RPTOR: variants seen among roughly 807,000 people sequenced by gnomAD.
RPTOR encodes regulatory-associated protein of mTOR.
RPTOR carries 21 observed loss-of-function variants against 169.9 expected under a neutral mutation model. The observed-to-expected ratio is 0.12, with a 90% CI of 0.09 to 0.18. The LOEUF (loss-of-function observed/expected upper bound fraction) is 0.18, where lower values mean the gene tolerates loss of function less well. Among genes scored for constraint, RPTOR ranks in the 10% least tolerant of loss-of-function variants. RPTOR has a pLI of 1.00. For missense variants in RPTOR, 1,133 were observed against 1,855.9 expected (o/e 0.61, Z 7.16); for synonymous variants, 732 against 753.2 (o/e 0.97, Z 0.46).
chr17:80,821,828 A>G (rs2067382424), intron 7 of RPTOR, among the ~76,000 whole-genome samples: 2 of 152,124 alleles, frequency 1.3e-5, no homozygotes, highest in African/African-American at 4.8e-5. Context: ...TCGGTGGCTG[A>G]GGTATAACCC....
At chr17:80,709,775 C>G (rs1392038643) in intron 4 of RPTOR, among the ~76,000 whole-genome samples, 1 of 152,024 alleles carries the variant, frequency 6.6e-6, no homozygotes, top group Non-Finnish European at 1.5e-5. Flanking sequence ...GATCGCGCAC[C>G]CTGTGTCCGC....
chr17:80,571,282 A>G (rs982134125), intron 1 of RPTOR, among the ~76,000 whole-genome samples: 1 of 152,224 alleles, frequency 6.6e-6, no homozygotes, highest in African/African-American at 2.4e-5. Context: ...ATTTTGTTTA[A>G]GAAGGTCCTT....
chr17:80,900,273 C>CT (rs1372704740), intron 20 of RPTOR, among the ~76,000 whole-genome samples: 5 of 152,034 alleles, frequency 3.3e-5, no homozygotes, highest in Non-Finnish European at 7.4e-5. Flanking sequence ...GCAGCTCTCT[C>CT]CCGGGTCTCC....
chr17:80,574,387 C>T (rs1439449281), intron 1 of RPTOR, among the ~76,000 whole-genome samples: 5 of 150,378 alleles, frequency 3.3e-5, no homozygotes, highest in South Asian at 4.2e-4. Context: ...AGGATGGTCT[C>T]GATCTCCTGA....
Position 80,965,484 on chromosome 17 carries a change from A to C in RPTOR, c.*1154A>C. The stretch of plus-strand genomic sequence containing the variant: ...CAGGAGGGGCCGCAGGGCGTGTATG[A>C]GCAGTTTTGCAAACAGAACACAACC... On this transcript the variant is annotated 3_prime_UTR_variant, in exon 34 of 34. Coordinates refer to ENST00000306801, the MANE Select transcript of RPTOR (RefSeq NM_020761.3). The C allele has an allele frequency of 8.6e-6, 2 of 233,392 alleles. No homozygotes were observed. Among genetic ancestry groups the C allele is most frequent in the Middle Eastern group, 2.5e-3 (2 of 786 alleles). The allele number at this position is 233,392 out of a possible 1,614,324, so 14.5% of individuals were successfully genotyped here.
At chr17:80,727,965 A>G (rs1006050987) in intron 4 of RPTOR, among the ~76,000 whole-genome samples, 2 of 152,182 alleles carry the variant, frequency 1.3e-5, no homozygotes, top group African/African-American at 4.8e-5. Context: ...CATTATTCAC[A>G]TTTTATCCTG....
At chr17:80,634,137 CTGTGTGCGTGTGCGTACTG>C (rs2065463833) in intron 2 of RPTOR, among the ~76,000 whole-genome samples, 1 of 127,004 alleles carries the variant, frequency 7.9e-6, no homozygotes, top group African/African-American at 3.1e-5. Context: ...TGTGTGCATA[CTGTGTGCGTGTGCGTACTG>C]TGTGTGTGTG....
intron 17 of RPTOR, among the ~76,000 whole-genome samples, chr17:80,887,331 T>G (rs1372290870): frequency 7.6e-4 from 64 of 84,388 alleles, no homozygotes; most frequent in African/African-American, 2.9e-3. Flanking sequence ...GTGCTGACTC[T>G]GGGGGGTGCC....
chr17:80,930,643 G>A (rs532865481), intron 24 of RPTOR, among the ~76,000 whole-genome samples: 10 of 152,370 alleles, frequency 6.6e-5, no homozygotes, highest in African/African-American at 2.4e-4. Context: ...AAAGCAAATG[G>A]ATAGGTCGAT....
chr17:80,672,800 C>CA (rs200738934), intron 3 of RPTOR, among the ~76,000 whole-genome samples: 2,397 of 152,088 alleles, frequency 0.016, 67 homozygotes, highest in African/African-American at 0.055. Context: ...AAAAAACAAA[C>CA]AAACAGACTT....
At chr17:80,918,299 C>G (rs2068698447) in intron 21 of RPTOR, among the ~76,000 whole-genome samples, 1 of 152,224 alleles carries the variant, frequency 6.6e-6, no homozygotes, top group Admixed American at 6.5e-5. Flanking sequence ...GACAGAGATG[C>G]CCTGTTCCCC....
At chr17:80,709,728 A>G (rs2066171191) in intron 4 of RPTOR, among the ~76,000 whole-genome samples, 1 of 151,446 alleles carries the variant, frequency 6.6e-6, no homozygotes, top group African/African-American at 2.4e-5. Flanking sequence ...TTAATGATAG[A>G]CTGTGGTGTG....
chr17:80,617,987 C>CTTTTTTTTTTTTTTTTTTTTTTTTTTTTT (rs1197342364), intron 1 of RPTOR, among the ~76,000 whole-genome samples: 7 of 146,448 alleles, frequency 4.8e-5, no homozygotes, highest in Admixed American at 1.4e-4. Flanking sequence ...ATAGTTACAA[C>CTTTTTTTTTTTTTTTTTTTTTTTTTTTTT]TTTTTTTTTT....
chr17:80,902,474 C>G (rs887477520), intron 20 of RPTOR, among the ~76,000 whole-genome samples: 1 of 152,216 alleles, frequency 6.6e-6, no homozygotes, highest in Non-Finnish European at 1.5e-5. Context: ...AGGTGCCTGA[C>G]CCAGTACATC....
intron 6 of RPTOR, among the ~76,000 whole-genome samples, chr17:80,778,844 A>G (rs1213824503): frequency 6.6e-6 from 1 of 152,178 alleles, no homozygotes; most frequent in Non-Finnish European, 1.5e-5. Context: ...GGACGGTAAA[A>G]TCACGAGACC....
At chr17:80,858,162 T>G in intron 13 of RPTOR, 1 of 494,094 alleles carries the variant, frequency 2.0e-6, no homozygotes, top group Non-Finnish European at 3.7e-6. Flanking sequence ...GTCCTGTCCC[T>G]GGCCTTCCCC....
intron 1 of RPTOR, among the ~76,000 whole-genome samples, chr17:80,549,774 C>A (rs1014413199): frequency 6.6e-6 from 1 of 152,166 alleles, no homozygotes. Flanking sequence ...CATGCTATGT[C>A]TACACACATG....
At chr17:80,922,872 G>T in intron 22 of RPTOR, 45 bp downstream of exon 22, 1 of 1,488,574 alleles carries the variant, frequency 6.7e-7, no homozygotes, top group Non-Finnish European at 9.1e-7. Context: ...TGGTGACCGG[G>T]GCCCCACGGG....
chr17:80,921,424 C>A (rs1274931728), intron 21 of RPTOR, among the ~76,000 whole-genome samples: 1 of 152,212 alleles, frequency 6.6e-6, no homozygotes, highest in Non-Finnish European at 1.5e-5. Context: ...GCATTCCCCC[C>A]ACTGAGCAGT....
Sources: gnomAD v4.1 joint callset for allele counts (sites outside exome capture counted in the v4.1 genomes callset) on GRCh38, gnomAD v4.1.1 for gene constraint, MANE v1.5 for transcripts, NCBI Gene and HGNC (gene_info 2026-07-23, HGNC 2026-07-21) for gene names.